Variants in ACSM4 observed in about 807,000 individuals in gnomAD.
ACSM4 encodes acyl-CoA synthetase medium chain family member 4.
A neutral mutation model predicts 73.0 loss-of-function variants in ACSM4; 66 were observed. The ratio of observed to expected loss-of-function variants is 0.90; its 90% CI spans 0.74 to 1.11. The LOEUF is 1.11. Ranked by LOEUF, ACSM4 falls within the 50% of genes least tolerant of loss-of-function variation. The pLI is 0.00. For missense variants in ACSM4, 645 were observed against 714.4 expected (o/e 0.90, Z 1.11); for synonymous variants, 222 against 254.0 (o/e 0.87, Z 1.20).
At chr12:7,326,341 A>G (rs1946505506) in intron 11 of ACSM4, among the ~76,000 whole-genome samples, 1 of 152,172 alleles carries the variant, frequency 6.6e-6, no homozygotes, top group Non-Finnish European at 1.5e-5. Flanking sequence ...AGTTGCTAGT[A>G]CTACAGGTGT....
At position 7,306,535 on chromosome 12, in the gene ACSM4, AG is replaced by A; in HGVS notation, c.208del (p.Glu70ArgfsTer11). ...CTTTTCCATGTGTCCCTGGTCAGAC[AG>A]GGGAGAGACCAGCTAACCCAGCCCT... ...LDQWSQKEKTGERPANPALWW... is the reference protein window; with the variant it reads ...LDQWSQKEKTXERPANPALWW... On this transcript the variant is annotated frameshift_variant, in exon 2 of 13. Transcript: ENST00000399422. LOFTEE classifies it high-confidence loss of function. 1 of 1,589,960 alleles carries A rather than the reference AG, an allele frequency of 6.3e-7. No individual in the cohort carries two copies. Among genetic ancestry groups the A allele is most frequent in the South Asian group, 1.1e-5 (1 of 87,100 alleles).
chr12:7,311,436 G>A (rs1026730194), intron 3 of ACSM4, among the ~76,000 whole-genome samples: 1 of 151,954 alleles, frequency 6.6e-6, no homozygotes, highest in Non-Finnish European at 1.5e-5. Flanking sequence ...TCCTTTTCAC[G>A]AGTGGCTCCT....
Position 7,325,354 on chromosome 12 carries a change from A to G in ACSM4, c.1536+756A>G, listed in dbSNP as rs190308323. 1.3e-3 allele frequency among the ~76,000 whole-genome samples: 198 copies of G among 152,374 alleles called. 4 individuals are homozygous for G. Among genetic ancestry groups the G allele is most frequent in the Admixed American group, 0.011 (163 of 15,302 alleles). ...CTTTTCTCACAGAAACAAGACAAAT[A>G]GAAAATGGTGGGCTGGGCACGGTGG... On this transcript the variant is annotated intron_variant, in intron 11 of 12. Transcript: ENST00000399422.
At chr12:7,328,094 C>T (rs559376377) in intron 12 of ACSM4, among the ~76,000 whole-genome samples, 193 bp from the exon 13 acceptor site, 3 of 152,260 alleles carry the variant, frequency 2.0e-5, no homozygotes, top group African/African-American at 7.2e-5. Flanking sequence ...ACTAAAAACC[C>T]GTAAGATGGA....
At chr12:7,305,827 A>G (rs1946358702) in intron 1 of ACSM4, among the ~76,000 whole-genome samples, 1 of 152,248 alleles carries the variant, frequency 6.6e-6, no homozygotes, top group Admixed American at 6.5e-5. Flanking sequence ...GAAGCATTCC[A>G]GATAGGGGAA....
chr12:7,307,385 T>C (rs1290241512), intron 2 of ACSM4, among the ~76,000 whole-genome samples: 1 of 152,194 alleles, frequency 6.6e-6, no homozygotes, highest in Non-Finnish European at 1.5e-5. Flanking sequence ...GGTACCAACA[T>C]CTCTTTGCAG....
chr12:7,323,575 A>G lies in ACSM4; in HGVS notation c.1308+15A>G, dbSNP rs752426398. On this transcript the variant is annotated intron_variant, in intron 9 of 12. Coordinates refer to ENST00000399422, the MANE Select transcript of ACSM4 (RefSeq NM_001080454.2). ...CTAAATATGTGGTATGAGGATAGAA[A>G]GTGCTGGTCATGCTTAATACAGACT... is the stretch of plus-strand genomic sequence containing the variant. 5.6e-6 allele frequency: 9 copies of G among 1,602,928 alleles called. No individual in the cohort carries two copies. Among genetic ancestry groups the G allele is most frequent in the African/African-American group, 1.3e-5 (1 of 74,674 alleles).
Position 7,319,643 on chromosome 12 carries a change from G to A in ACSM4, c.922-1082G>A, listed in dbSNP as rs140572638. Among the ~76,000 whole-genome samples, 52 of 150,658 alleles carry A rather than the reference G, an allele frequency of 3.5e-4. 1 individual carries two copies. Among genetic ancestry groups the A allele is most frequent in the African/African-American group, 7.8e-4 (32 of 40,992 alleles). The stretch of plus-strand genomic sequence containing the variant: ...GATGAAGCTTCGCTCACCTTGCCCC[G>A]CCACTCACCTCCTGCTGTGTGGCCC... On this transcript the variant is annotated intron_variant, in intron 5 of 12. Coordinates refer to ENST00000399422, the MANE Select transcript of ACSM4 (RefSeq NM_001080454.2).
chr12:7,324,987 T>A (rs770427561), intron 11 of ACSM4, among the ~76,000 whole-genome samples: 1 of 152,214 alleles, frequency 6.6e-6, no homozygotes, highest in African/African-American at 2.4e-5. Flanking sequence ...TTCTTCCTAC[T>A]TGATAGCAAC....
chr12:7,327,196 T>C lies in ACSM4; in HGVS notation c.1656+101T>C, dbSNP rs1355922059. The stretch of plus-strand genomic sequence containing the variant: ...TTTGATTTTATAGTAGCTCATTATA[T>C]AGGTAGAAGACACTTTTCAATTTGT... On this transcript the variant is annotated intron_variant, in intron 12 of 12. Transcript: ENST00000399422. 4 of 1,334,446 alleles carry C rather than the reference T, an allele frequency of 3.0e-6. No individual in the cohort carries two copies. In the Admixed American group the frequency reaches 8.5e-5, roughly 28 times the overall value. 82.7% of individuals were successfully genotyped at this position (1,334,446 alleles called of 1,614,324 possible).
At chr12:7,306,187 T>C (rs576789779) in intron 1 of ACSM4, among the ~76,000 whole-genome samples, 19 of 152,250 alleles carry the variant, frequency 1.2e-4, no homozygotes, top group Non-Finnish European at 2.4e-4. Flanking sequence ...GACAGCTCTC[T>C]GAGCATGCGT....
chr12:7,313,591 G>A (rs376292783), intron 3 of ACSM4, among the ~76,000 whole-genome samples: 4 of 152,296 alleles, frequency 2.6e-5, no homozygotes, highest in African/African-American at 9.6e-5. Context: ...TAATGGAAAA[G>A]GTCAAAATTA....
At chr12:7,319,161 A>G (rs996657860) in intron 5 of ACSM4, among the ~76,000 whole-genome samples, 2 of 152,222 alleles carry the variant, frequency 1.3e-5, no homozygotes, top group Admixed American at 1.3e-4. Flanking sequence ...GTGACAGATC[A>G]TCAGGCATTA....
chr12:7,318,085 T>C lies in ACSM4; in HGVS notation c.824T>C (p.Val275Ala). ...TGGAATATGTCTGACACGGGCTGGG[T>C]CAAGGCCGCCATTGGCAGTGTGTTT... ...IIWNMSDTGW[V>A]KAAIGSVFSS... is the part of the protein sequence containing the mutation. Residue 275 changes from valine to alanine, a missense_variant, in exon 5 of 13, where the codon GTC (valine) becomes GCC (alanine). Transcript: ENST00000399422. 1.2e-6 allele frequency: 2 copies of C among 1,613,816 alleles called. No homozygotes were observed. Among genetic ancestry groups the C allele is most frequent in the Non-Finnish European group, 1.7e-6 (2 of 1,179,828 alleles).
At chr12:7,317,344 A>G (rs1342611571) in intron 4 of ACSM4, 64 bp downstream of exon 4, 1 of 1,465,568 alleles carries the variant, frequency 6.8e-7, no homozygotes, top group Non-Finnish European at 9.1e-7. Context: ...TGCGTATCCA[A>G]CTAACTGATA....
rs868799114 is a variant in ACSM4 at position 7,320,819 on chromosome 12, A to G, written c.1001+15A>G. 3 of 1,596,580 alleles carry G rather than the reference A, an allele frequency of 1.9e-6. No individual in the cohort carries two copies. Among genetic ancestry groups the G allele is most frequent in the Middle Eastern group, 3.3e-4 (2 of 6,026 alleles). On this transcript the variant is annotated intron_variant, in intron 6 of 12. Transcript: ENST00000399422. ...GACCTTAAGAGGTACTTGGGCAGAA[A>G]TCTCCATTTGAACCACAAACAATAG... is the stretch of plus-strand genomic sequence containing the variant.
rs552295510 is a variant in ACSM4 at position 7,310,555 on chromosome 12, G to A, written c.429G>A (p.Pro143=). Residue 143 remains proline, a synonymous_variant, in exon 3 of 13, where the codon CCG becomes CCA. Coordinates refer to ENST00000399422, the MANE Select transcript of ACSM4 (RefSeq NM_001080454.2). ...CCTTCCCAGGGATCATCTTCATGCC[G>A]GGAACAATCCAGCTGACAGCAAAAG... ...ACIRTGIIFM[P]GTIQLTAKDI... is the part of the protein sequence containing the mutation. 29 of 1,607,104 alleles carry A rather than the reference G, an allele frequency of 1.8e-5. No homozygotes were observed. The highest frequency in any genetic ancestry group is 4.0e-5 in the African/African-American group (3 of 74,754).
intron 9 of ACSM4, among the ~76,000 whole-genome samples, 179 bp from the exon 10 acceptor site, chr12:7,324,094 C>T (rs1265153562): frequency 6.6e-6 from 1 of 151,774 alleles, no homozygotes; most frequent in Non-Finnish European, 1.5e-5. Flanking sequence ...GAGAGGATCA[C>T]TAGAGCCCAG....
At chr12:7,313,666 G>A (rs772826050) in intron 3 of ACSM4, among the ~76,000 whole-genome samples, 8 of 152,230 alleles carry the variant, frequency 5.3e-5, no homozygotes, top group Middle Eastern at 6.8e-3. Context: ...TGGGGTCCAG[G>A]ACTCTGGATT....
Sources: gnomAD v4.1 joint callset for allele counts (sites outside exome capture counted in the v4.1 genomes callset) on GRCh38, gnomAD v4.1.1 for gene constraint, MANE v1.5 for transcripts, NCBI Gene and HGNC (gene_info 2026-07-23, HGNC 2026-07-21) for gene names.